Variants in TRANK1 observed in about 807,000 individuals in gnomAD.
TRANK1 encodes the protein TPR and ankyrin repeat-containing protein 1.
A neutral mutation model predicts 266.0 loss-of-function variants in TRANK1; 198 were observed. The ratio of observed to expected loss-of-function variants is 0.74; its 90% CI spans 0.66 to 0.84. The LOEUF (loss-of-function observed/expected upper bound fraction) is 0.84. Ranked by LOEUF, TRANK1 falls within the 40% of genes least tolerant of loss-of-function variation. The pLI, the probability that TRANK1 is intolerant of heterozygous loss-of-function variation, is 0.00. For missense variants in TRANK1, 3,326 were observed against 3,634.6 expected (o/e 0.92, Z 2.18); for synonymous variants, 1,396 against 1,384.1 (o/e 1.01, Z -0.19).
At chr3:36,926,486 A>G (rs955397424) in intron 1 of TRANK1, among the ~76,000 whole-genome samples, 2 of 152,190 alleles carry the variant, frequency 1.3e-5, no homozygotes, top group Admixed American at 6.5e-5. Flanking sequence ...ACCTGGGCCA[A>G]TCGATCCCTC....
chr3:36,933,329 A>T (rs2080385167), intron 1 of TRANK1, among the ~76,000 whole-genome samples: 1 of 152,264 alleles, frequency 6.6e-6, no homozygotes, highest in African/African-American at 2.4e-5. Context: ...TGTCATGGCG[A>T]CTGGCCAAGG....
rs764186801 is a variant in TRANK1 at position 36,832,399 on chromosome 3, T to A, written c.7184A>T (p.Asp2395Val). 1 of 1,614,032 alleles carries A rather than the reference T, an allele frequency of 6.2e-7. No individual in the cohort carries two copies. The highest frequency in any genetic ancestry group is 8.5e-7 in the Non-Finnish European group (1 of 1,179,900). Reference protein sequence around the residue: ...GKFGMLAPNRDDENMDKTHLC... With the variant: ...GKFGMLAPNRVDENMDKTHLC... Reference sequence around the variant, plus strand: ...GTGGGTCTTGTCCATATTTTCATCATCCCTGTTGGGTGCCAGCATGCCAAA... The same window carrying A: ...GTGGGTCTTGTCCATATTTTCATCAACCCTGTTGGGTGCCAGCATGCCAAA... Residue 2395 changes from aspartate (D) to valine (V), a missense_variant, in exon 22 of 24, where the codon GAT (aspartate) becomes GTT (valine). By Grantham distance (152) the Asp-to-Val change is radical. Transcript: ENST00000645898.
At chr3:36,939,626 C>G (rs933556058) in intron 1 of TRANK1, among the ~76,000 whole-genome samples, 3 of 152,176 alleles carry the variant, frequency 2.0e-5, no homozygotes, top group African/African-American at 7.2e-5. Context: ...TCTCCTCACA[C>G]AGTCAACAAA....
intron 1 of TRANK1, among the ~76,000 whole-genome samples, chr3:36,913,536 T>G: frequency 6.6e-6 from 1 of 151,986 alleles, no homozygotes; most frequent in Non-Finnish European, 1.5e-5. Context: ...CTCTTAAAAG[T>G]GACTCTTTCC....
chr3:36,835,442 G>A (rs1486991325), intron 20 of TRANK1, among the ~76,000 whole-genome samples: 12 of 151,962 alleles, frequency 7.9e-5, no homozygotes, highest in African/African-American at 2.9e-4. Flanking sequence ...GTAAGCCCCA[G>A]GTAGATTAAA....
intron 1 of TRANK1, among the ~76,000 whole-genome samples, chr3:36,915,919 G>A (rs925872589): frequency 6.6e-6 from 1 of 152,194 alleles, no homozygotes; most frequent in Non-Finnish European, 1.5e-5. Flanking sequence ...AGAACTGTCA[G>A]GTGAGTAGGA....
In TRANK1 at chr3:36,856,129, T is replaced by A; in HGVS notation, c.3593A>T (p.Asn1198Ile). ...EHLHQIFVTK[N>I]HVLCQEVQRN... ...TTGTACCTCCTGGCACAGCACATGG[T>A]TCTTGGTCACAAAGATCTGATGTAA... Residue 1198 changes from asparagine to isoleucine, a missense_variant, in exon 13 of 24, where the codon AAC (asparagine) becomes ATC (isoleucine). Physicochemically the swap from Asn to Ile is moderately radical, Grantham distance 149 (BLOSUM62 -3). Transcript: ENST00000645898. 1.9e-6 allele frequency: 3 copies of A among 1,613,886 alleles called. No individual in the cohort carries two copies. Among genetic ancestry groups the A allele is most frequent in the Non-Finnish European group, 2.5e-6 (3 of 1,179,882 alleles).
rs373423856 is a variant in TRANK1 at position 36,847,174 on chromosome 3, T to C, written c.5034+26A>G. On this transcript the variant is annotated intron_variant, in intron 16 of 23. Coordinates refer to ENST00000645898, the MANE Select transcript of TRANK1 (RefSeq NM_001329998.2). ...TTTCACTACTTCCATGTCAAGTACA[T>C]GTGTTGACAAATGGCAGAAATTCAC... The C allele has an allele frequency of 4.1e-5, 66 of 1,606,768 alleles. No homozygotes were observed. The African/African-American group carries it at 7.2e-4, about 18-fold the overall frequency.
chr3:36,866,092 GAAA>G (rs2079220497), intron 9 of TRANK1, among the ~76,000 whole-genome samples: 1 of 150,734 alleles, frequency 6.6e-6, no homozygotes, highest in Non-Finnish European at 1.5e-5. Flanking sequence ...AAGAAAGAAA[GAAA>G]GAAAGAAAGA....
intron 15 of TRANK1, among the ~76,000 whole-genome samples, chr3:36,848,340 T>C (rs1575197198): frequency 6.6e-6 from 1 of 152,328 alleles, no homozygotes; most frequent in East Asian, 1.9e-4. Flanking sequence ...ACTCCGGTAG[T>C]CTGGATTTGG....
chr3:36,928,020 A>C (rs549003875), intron 1 of TRANK1, among the ~76,000 whole-genome samples: 1 of 152,214 alleles, frequency 6.6e-6, no homozygotes, highest in African/African-American at 2.4e-5. Flanking sequence ...GTGGGGTCAC[A>C]GGTTGTGATG....
intron 1 of TRANK1, among the ~76,000 whole-genome samples, chr3:36,918,600 A>T (rs2080168575): frequency 7.4e-6 from 1 of 135,208 alleles, no homozygotes; most frequent in African/African-American, 2.9e-5. Flanking sequence ...GGAAGGAAGG[A>T]AGGAAGGAAA....
intron 8 of TRANK1, among the ~76,000 whole-genome samples, chr3:36,883,665 G>A (rs1461898085): frequency 6.6e-6 from 1 of 152,146 alleles, no homozygotes; most frequent in African/African-American, 2.4e-5. Context: ...CGGCAGAAAG[G>A]AGGAGGAAAT....
In TRANK1 at chr3:36,832,169, T is replaced by G. The variant is rs1347490194; in HGVS notation, c.7414A>C (p.Lys2472Gln). ...HCGVVLARLW[K>Q]NVILCLPKSY... is the part of the protein sequence containing the mutation. ...TTGGGGAGGCATAGAATGACATTCT[T>G]CCAGAGGCGGGCCAGCACCACCCCA... The change falls in exon 22 of 24, where the codon AAG (lysine) becomes CAG (glutamine). Residue 2472 changes from lysine (K) to glutamine (Q), a missense_variant. Lys to Gln is a moderately conservative substitution (Grantham distance 53). Coordinates refer to ENST00000645898, the MANE Select transcript of TRANK1 (RefSeq NM_001329998.2). 2 of 1,613,938 alleles carry G rather than the reference T, an allele frequency of 1.2e-6. No individual in the cohort carries two copies. The highest frequency in any genetic ancestry group is 4.5e-5 in the East Asian group (2 of 44,874).
rs762429068 is a variant in TRANK1 at position 36,833,153 on chromosome 3, G to A, written c.6430C>T (p.Leu2144=). The change falls in exon 22 of 24, where the codon CTG becomes TTG. Residue 2144 remains leucine (L), a synonymous_variant. Transcript: ENST00000645898. ...TTTTTCTCTCTCAAGTTCAAATCCA[G>A]GTCAAAAATTATTCTTAATATGGGC... is the stretch of plus-strand genomic sequence containing the variant. The part of the protein sequence containing the change: ...PGPILRIIFD[L]DLNLREKKTK... 20 of 1,613,422 alleles carry A rather than the reference G, an allele frequency of 1.2e-5. No homozygotes were observed. The highest frequency in any genetic ancestry group is 1.6e-5 in the Non-Finnish European group (19 of 1,179,628).
intron 8 of TRANK1, among the ~76,000 whole-genome samples, chr3:36,881,046 C>T (rs1289722249): frequency 6.6e-6 from 1 of 151,766 alleles, no homozygotes; most frequent in East Asian, 1.9e-4. Flanking sequence ...AAATTCAAGC[C>T]ACATCCAATG....
At chr3:36,839,117 T>C (rs1334233753) in intron 18 of TRANK1, among the ~76,000 whole-genome samples, 2 of 152,192 alleles carry the variant, frequency 1.3e-5, no homozygotes, top group Non-Finnish European at 2.9e-5. Flanking sequence ...TTTGACCCAG[T>C]TGGTGAGTAC....
intron 8 of TRANK1, chr3:36,880,636 C>A: frequency 5.1e-6 from 1 of 194,732 alleles, no homozygotes; most frequent in Admixed American, 4.6e-5. Flanking sequence ...ACACATCAAT[C>A]TACTACTTTT....
chr3:36,908,349 C>G lies in TRANK1; in HGVS notation c.129G>C (p.Gln43His). ...LAIRKYDEAI[Q>H]ILLQLYQWGV... The stretch of plus-strand genomic sequence containing the variant: ...CCCACTGGTATAACTGCAGGAGAAT[C>G]TGGATGGCTTCATCGTACTTTCTGA... The change falls in exon 2 of 24, where the codon CAG (glutamine) becomes CAC (histidine). Residue 43 changes from glutamine to histidine, a missense_variant. Physicochemically the swap from Gln to His is conservative, Grantham distance 24 (BLOSUM62 0). Transcript: ENST00000645898. 8.1e-7 allele frequency: 1 copy of G among 1,232,230 alleles called. No homozygotes were observed. The highest frequency in any genetic ancestry group is 1.0e-6 in the Non-Finnish European group (1 of 987,998). The allele number at this position is 1,232,230 out of a possible 1,614,324, so 76.3% of individuals were successfully genotyped here.
Sources: allele counts gnomAD v4.1 joint callset (sites outside exome capture counted in the v4.1 genomes callset), GRCh38; gene constraint gnomAD v4.1.1; transcripts MANE v1.5; gene names NCBI Gene and HGNC (gene_info 2026-07-23, HGNC 2026-07-21).